FANCA: variants seen among roughly 807,000 people sequenced by gnomAD.
The protein encoded by FANCA is FA complementation group A.
A neutral mutation model predicts 194.3 loss-of-function variants in FANCA; 236 were observed. The ratio of observed to expected loss-of-function variants is 1.21; its 90% confidence interval spans 1.09 to 1.35. The LOEUF is 1.35. Among genes scored for constraint, FANCA ranks in the 40% most tolerant of loss-of-function variants. The probability of loss-of-function intolerance (pLI) is 0.00; values close to 1 mark genes in which losing one functional copy is unlikely to be tolerated. For missense variants in FANCA, 2,628 were observed against 1,813.9 expected, an observed-to-expected ratio of 1.45 and a Z score of -8.15; for synonymous variants, 1,014 against 715.8, an observed-to-expected ratio of 1.42 and a Z score of -6.65.
At chr16:89,801,761 G>A (rs1379929261) in intron 8 of FANCA, among the ~76,000 whole-genome samples, 1 of 151,966 alleles carries the variant, frequency 6.6e-6, no homozygotes, top group African/African-American at 2.4e-5. Flanking sequence ...GGTGGTGCAT[G>A]CCTGTAATCC....
rs752776388 is a variant in FANCA at position 89,816,590 on chromosome 16, G to A, written c.26C>T (p.Ser9Phe). The A allele has an allele frequency of 2.6e-6, 4 of 1,526,154 alleles. No individual in the cohort carries two copies. Among genetic ancestry groups the A allele is most frequent in the East Asian group, 2.5e-5 (1 of 39,332 alleles). The allele number at this position is 1,526,154 out of a possible 1,614,324, so 94.5% of individuals were successfully genotyped here. Residue 9 changes from serine to phenylalanine, a missense_variant, in exon 1 of 43, where the codon TCC (serine) becomes TTC (phenylalanine). Ser to Phe is a radical substitution (Grantham distance 155, BLOSUM62 -2). Coordinates refer to ENST00000389301, the MANE Select transcript of FANCA (RefSeq NM_000135.4). Reference protein sequence around the residue: MSDSWVPNSASGQDPGGRR... With the variant: MSDSWVPNFASGQDPGGRR... ...GCCCCCTGGGTCCTGGCCCGAGGCGGAGTTCGGGACCCACGAGTCGGACAT... is the reference window on the plus strand; with the variant it reads ...GCCCCCTGGGTCCTGGCCCGAGGCGAAGTTCGGGACCCACGAGTCGGACAT...
chr16:89,771,668 C>T lies in FANCA; in HGVS notation c.2151+10G>A, dbSNP rs2039329782. Reference sequence around the variant, plus strand: ...AGACCCCCTGCTTTGTTCTGAGCCCCTACACCTACCATGTGTTCCCGTGGC... The same window carrying T: ...AGACCCCCTGCTTTGTTCTGAGCCCTTACACCTACCATGTGTTCCCGTGGC... On this transcript the variant is annotated intron_variant, in intron 23 of 42. Transcript: ENST00000389301. The T allele has an allele frequency of 6.2e-7, 1 of 1,614,098 alleles. No homozygotes were observed. Among genetic ancestry groups the T allele is most frequent in the Non-Finnish European group, 8.5e-7 (1 of 1,179,994 alleles).
At chr16:89,816,183 G>A (rs1179660347) in intron 1 of FANCA, 197 bp from the exon 2 acceptor site, 2 of 623,612 alleles carry the variant, frequency 3.2e-6, no homozygotes, top group Middle Eastern at 3.1e-4. Context: ...AGACGGCCCA[G>A]GAGGGCCCGA....
intron 8 of FANCA, among the ~76,000 whole-genome samples, chr16:89,803,054 C>T (rs920369671): frequency 1.3e-5 from 2 of 152,182 alleles, no homozygotes; most frequent in African/African-American, 4.8e-5. Context: ...GTTGCCAACA[C>T]ACAGAAATGA....
At chr16:89,774,967 G>A (rs1187372165) in intron 21 of FANCA, among the ~76,000 whole-genome samples, 2 of 151,712 alleles carry the variant, frequency 1.3e-5, no homozygotes, top group African/African-American at 2.4e-5. Flanking sequence ...AGTAGTGCGT[G>A]CCTATAATCC....
At position 89,792,475 on chromosome 16, in the gene FANCA, C is replaced by A. The variant is rs747141831; in HGVS notation, c.1079G>T (p.Arg360Leu). Residue 360 changes from arginine to leucine, a missense_variant, in exon 12 of 43, where the codon CGC becomes CTC. Transcript: ENST00000389301. ...RTHPLLTSLY[R>L]RLFVMLSAEE... ...TATAATACCACATCCACTCACCCTG[C>A]GGTACAGTGAGGTGAGCAGAGGGTG... The A allele has an allele frequency of 6.2e-7, 1 of 1,613,056 alleles. No homozygotes were observed. Among genetic ancestry groups the A allele is most frequent in the East Asian group, 2.2e-5 (1 of 44,872 alleles).
At chr16:89,771,566 CACTA>C (rs1801077069) in intron 23 of FANCA, 108 bp downstream of exon 23, 3 of 1,275,056 alleles carry the variant, frequency 2.4e-6, no homozygotes, top group Admixed American at 3.5e-5. Flanking sequence ...TCTGATACGA[CACTA>C]ACTGAGCAAG....
At position 89,783,154 on chromosome 16, in the gene FANCA, C is replaced by T. The variant is rs759320615; in HGVS notation, c.1471-52G>A. 4 of 1,378,992 alleles carry T rather than the reference C, an allele frequency of 2.9e-6. No homozygotes were observed. The Admixed American group carries it at 6.9e-5, about 24-fold the overall frequency. 85.4% of individuals were successfully genotyped at this position (1,378,992 alleles called of 1,614,324 possible). ...CCGTTAGTCTGGGAACTGCCTGGGA[C>T]TCCAGGGAGGCCACAATTCACTTCC... On this transcript the variant is annotated intron_variant, in intron 15 of 42. Coordinates refer to ENST00000389301, the MANE Select transcript of FANCA (RefSeq NM_000135.4).
Position 89,746,690 on chromosome 16 carries a change from T to G in FANCA, c.3409-2A>C, listed in dbSNP as rs2143107119. ...CCGCAGACAGGCGTTCAGGAGGCCCTGCAGGAGAGAACGCAGCAGGAGGTC... is the reference window on the plus strand; with the variant it reads ...CCGCAGACAGGCGTTCAGGAGGCCCGGCAGGAGAGAACGCAGCAGGAGGTC... On this transcript the variant is annotated splice_acceptor_variant, in intron 34 of 42. Transcript: ENST00000389301. LOFTEE classifies it high-confidence loss of function. 6.2e-7 allele frequency: 1 copy of G among 1,613,848 alleles called. No homozygotes were observed. The highest frequency in any genetic ancestry group is 8.5e-7 in the Non-Finnish European group (1 of 1,179,818).
intron 17 of FANCA, among the ~76,000 whole-genome samples, chr16:89,780,223 G>A (rs1375469439): frequency 1.3e-5 from 2 of 152,190 alleles, no homozygotes; most frequent in African/African-American, 2.4e-5. Context: ...CGAGAGCTCA[G>A]CTCTGCTGAG....
intron 6 of FANCA, among the ~76,000 whole-genome samples, chr16:89,807,467 A>AT (rs1270294161): frequency 6.6e-6 from 1 of 151,708 alleles, no homozygotes; most frequent in African/African-American, 2.4e-5. Flanking sequence ...AGAAAAAAAA[A>AT]GGCCGCGCGA....
intron 6 of FANCA, among the ~76,000 whole-genome samples, chr16:89,806,604 G>A (rs1003207450): frequency 1.1e-4 from 17 of 151,896 alleles, no homozygotes; most frequent in Non-Finnish European, 1.9e-4. Flanking sequence ...ATCTTGCACC[G>A]CCCTTAATCC....
intron 3 of FANCA, among the ~76,000 whole-genome samples, chr16:89,813,183 G>T (rs2040968291): frequency 6.6e-6 from 1 of 152,054 alleles, no homozygotes; most frequent in African/African-American, 2.4e-5. Context: ...GGGTGGCTGA[G>T]GTAAACTGAT....
Position 89,738,111 on chromosome 16 carries a change from T to C in FANCA, c.*490A>G, listed in dbSNP as rs1191847655. On this transcript the variant is annotated 3_prime_UTR_variant, in exon 43 of 43. Transcript: ENST00000389301. The stretch of plus-strand genomic sequence containing the variant: ...GGTTTGAGAAGGCCCACAACCTCAA[T>C]GTACACATGTCCATGGTGCACCCGC... 14 of 1,613,920 alleles carry C rather than the reference T, an allele frequency of 8.7e-6. No homozygotes were observed. The Middle Eastern group carries it at 4.9e-4, about 57-fold the overall frequency.
intron 20 of FANCA, among the ~76,000 whole-genome samples, chr16:89,776,455 C>A (rs1299656326): frequency 1.3e-5 from 2 of 151,736 alleles, no homozygotes; most frequent in African/African-American, 4.8e-5. Flanking sequence ...GCGTGAGCCA[C>A]CACGCCCAGC....
At chr16:89,780,079 A>G in intron 17 of FANCA, 122 bp from the exon 18 acceptor site, 1 of 874,506 alleles carries the variant, frequency 1.1e-6, no homozygotes, top group Admixed American at 2.0e-5. Flanking sequence ...TTAAAGGTAA[A>G]GGCCCACATG....
At chr16:89,795,520 C>A (rs1348032693) in intron 11 of FANCA, among the ~76,000 whole-genome samples, 1 of 151,876 alleles carries the variant, frequency 6.6e-6, no homozygotes, top group Non-Finnish European at 1.5e-5. Context: ...CGCCTGTAGT[C>A]CCAGCTACTT....
At chr16:89,805,516 C>A in intron 6 of FANCA, 124 bp from the exon 7 acceptor site, 1 of 699,064 alleles carries the variant, frequency 1.4e-6, no homozygotes, top group Admixed American at 2.1e-5. Flanking sequence ...GGCTGGAGTG[C>A]AGTGGCGCAA....
chr16:89,755,154 G>T (rs1290026850), intron 30 of FANCA, among the ~76,000 whole-genome samples: 1 of 152,094 alleles, frequency 6.6e-6, no homozygotes, highest in Admixed American at 6.5e-5. Flanking sequence ...AACAAATGGT[G>T]CTGGGACAAC....
Sources: allele counts gnomAD v4.1 joint callset (sites outside exome capture counted in the v4.1 genomes callset), GRCh38; gene constraint gnomAD v4.1.1; transcripts MANE v1.5; gene names NCBI Gene and HGNC (gene_info 2026-07-23, HGNC 2026-07-21).